ADK: variants seen among roughly 807,000 people sequenced by gnomAD.
ADK encodes the protein N6,N6-dimethyladenosine kinase.
In ADK, 24 loss-of-function variants were observed where a neutral mutation model predicts 44.7. The ratio of observed to expected loss-of-function variants is 0.54; its 90% CI spans 0.39 to 0.76. The LOEUF (loss-of-function observed/expected upper bound fraction) is 0.76, where lower values mean the gene tolerates loss of function less well. ADK is among the 30% of genes least tolerant of loss of function. ADK has a pLI of 0.00. For synonymous variants in ADK, 128 were observed against 142.6 expected (o/e 0.90, Z 0.73); for missense variants, 321 against 425.1 (o/e 0.76, Z 2.15).
At chr10:74,643,067 C>T (rs182371854) in intron 9 of ADK, among the ~76,000 whole-genome samples, 1 of 151,812 alleles carries the variant, frequency 6.6e-6, no homozygotes, top group Non-Finnish European at 1.5e-5. Context: ...GTCTCAAATT[C>T]CTGGCCTCAA....
chr10:74,632,565 T>C (rs1853480001), intron 9 of ADK, among the ~76,000 whole-genome samples: 1 of 152,210 alleles, frequency 6.6e-6, no homozygotes, highest in Non-Finnish European at 1.5e-5. Flanking sequence ...AGTATTTGCC[T>C]CTGTCTTCGC....
intron 6 of ADK, among the ~76,000 whole-genome samples, chr10:74,402,646 A>G (rs1227964447): frequency 6.6e-6 from 1 of 152,118 alleles, no homozygotes; most frequent in Admixed American, 6.6e-5. Context: ...CCTGTCGTCT[A>G]ATCTTTTTTG....
chr10:74,391,652 T>TATACACAC (rs1491270919), intron 4 of ADK, among the ~76,000 whole-genome samples: 2 of 74,250 alleles, frequency 2.7e-5, no homozygotes, highest in Non-Finnish European at 7.6e-5. Context: ...GGCAAGAATA[T>TATACACAC]ACACACACAC....
At chr10:74,355,813 A>G (rs967876968) in intron 4 of ADK, among the ~76,000 whole-genome samples, 3 of 151,938 alleles carry the variant, frequency 2.0e-5, no homozygotes, top group Admixed American at 2.0e-4. Flanking sequence ...TTTGTTGGTA[A>G]ACATTAGGTG....
intron 9 of ADK, among the ~76,000 whole-genome samples, chr10:74,622,121 C>T (rs927167349): frequency 6.6e-5 from 10 of 152,164 alleles, no homozygotes; most frequent in Non-Finnish European, 1.2e-4. Context: ...TTCAGGCCTA[C>T]TTTATTGTTT....
At chr10:74,536,745 A>T (rs1011757231) in intron 7 of ADK, among the ~76,000 whole-genome samples, 1 of 152,084 alleles carries the variant, frequency 6.6e-6, no homozygotes, top group African/African-American at 2.4e-5. Flanking sequence ...ACCTCATACA[A>T]GTAGGATCAT....
intron 6 of ADK, among the ~76,000 whole-genome samples, chr10:74,403,032 C>T (rs1044961824): frequency 6.6e-6 from 1 of 152,180 alleles, no homozygotes. Flanking sequence ...ACCCTGTTTG[C>T]CTGGCTATCA....
chr10:74,351,262 C>G (rs183180943), intron 4 of ADK, among the ~76,000 whole-genome samples: 109 of 152,216 alleles, frequency 7.2e-4, no homozygotes, highest in African/African-American at 2.6e-3. Context: ...AAGGCTGGTT[C>G]AACATACGCA....
Position 74,362,442 on chromosome 10 carries a change from T to C in ADK, c.274-31699T>C, listed in dbSNP as rs558133896. Among the ~76,000 whole-genome samples, 12 of 152,280 alleles carry C rather than the reference T, an allele frequency of 7.9e-5. No individual in the cohort carries two copies. In the South Asian group the frequency reaches 2.5e-3, roughly 32 times the overall value. On this transcript the variant is annotated intron_variant, in intron 4 of 10. Transcript: ENST00000539909. ...TGAGTCTCTTATATTTCTTTCATAA[T>C]TTTCTGAATTGATTCTTCATGTTTT...
At chr10:74,306,698 C>G (rs2132540482) in intron 3 of ADK, among the ~76,000 whole-genome samples, 1 of 152,180 alleles carries the variant, frequency 6.6e-6, no homozygotes, top group East Asian at 1.9e-4. Flanking sequence ...AAGGGTTAAG[C>G]TAGGTCAAAG....
chr10:74,523,578 C>G (rs897867254), intron 6 of ADK, among the ~76,000 whole-genome samples: 1 of 151,990 alleles, frequency 6.6e-6, no homozygotes, highest in African/African-American at 2.4e-5. Flanking sequence ...CCTCTTTGAC[C>G]TCACCTCTTT....
intron 4 of ADK, among the ~76,000 whole-genome samples, chr10:74,388,713 G>A (rs1034854581): frequency 6.6e-6 from 1 of 152,052 alleles, no homozygotes; most frequent in East Asian, 1.9e-4. Context: ...TAAAGTCTGA[G>A]ACCTTGATTG....
chr10:74,340,202 G>T (rs1010864586), intron 4 of ADK, among the ~76,000 whole-genome samples: 2 of 152,048 alleles, frequency 1.3e-5, no homozygotes, highest in Admixed American at 6.5e-5. Flanking sequence ...ATTCAACTCT[G>T]ATCAGAAAAA....
At chr10:74,288,610 A>G (rs1042120340) in intron 3 of ADK, among the ~76,000 whole-genome samples, 4 of 152,182 alleles carry the variant, frequency 2.6e-5, no homozygotes, top group African/African-American at 4.8e-5. Flanking sequence ...AGATCACACC[A>G]CTGCACTCCA....
chr10:74,358,423 T>C (rs926528892), intron 4 of ADK, among the ~76,000 whole-genome samples: 1 of 152,220 alleles, frequency 6.6e-6, no homozygotes, highest in Non-Finnish European at 1.5e-5. Context: ...CACTTACTTA[T>C]TTCAAATTTT....
At chr10:74,314,612 T>G (rs1268837946) in intron 3 of ADK, 55 bp from the exon 4 acceptor site, 1 of 1,208,902 alleles carries the variant, frequency 8.3e-7, no homozygotes, top group East Asian at 2.4e-5. Context: ...AAAAGTTTAC[T>G]TTGTTGCAAC....
chr10:74,395,092 T>C (rs1050010757), intron 5 of ADK, among the ~76,000 whole-genome samples: 7 of 152,194 alleles, frequency 4.6e-5, no homozygotes, highest in Admixed American at 1.3e-4. Context: ...AGCTATTATA[T>C]TGTTGGGATA....
At chr10:74,561,816 G>T (rs1170061230) in intron 7 of ADK, among the ~76,000 whole-genome samples, 2 of 152,194 alleles carry the variant, frequency 1.3e-5, no homozygotes, top group African/African-American at 2.4e-5. Flanking sequence ...AAACCCATGG[G>T]CATAAGCTGT....
chr10:74,634,773 C>T (rs1188149593), intron 9 of ADK, among the ~76,000 whole-genome samples: 2 of 151,932 alleles, frequency 1.3e-5, no homozygotes, highest in African/African-American at 2.4e-5. Context: ...GGTGAAACCC[C>T]GTCTCTACTA....
Sources: gnomAD v4.1 joint callset for allele counts (sites outside exome capture counted in the v4.1 genomes callset) on GRCh38, gnomAD v4.1.1 for gene constraint, MANE v1.5 for transcripts, NCBI Gene and HGNC (gene_info 2026-07-23, HGNC 2026-07-21) for gene names.